ALG9: variants seen among roughly 807,000 people sequenced by gnomAD.
ALG9 encodes alpha-1,2-mannosyltransferase ALG9.
Under a neutral mutation model 81.8 loss-of-function variants are expected in ALG9, and 55 were observed. That is an observed-to-expected ratio of 0.67 (90% CI 0.54 to 0.84). The LOEUF (loss-of-function observed/expected upper bound fraction) is 0.84, where lower values mean the gene tolerates loss of function less well. Ranked by LOEUF, ALG9 falls within the 40% of genes least tolerant of loss-of-function variation. The pLI is 0.00. For synonymous variants in ALG9, 278 were observed against 274.3 expected, an observed-to-expected ratio of 1.01 and a Z score of -0.13; for missense variants, 629 against 745.0, an observed-to-expected ratio of 0.84 and a Z score of 1.81.
rs374807719 is a variant in ALG9, at chr11:111,853,739, A to G, written c.702-3T>C. On this transcript the variant is annotated splice_region_variant and splice_polypyrimidine_tract_variant and intron_variant, in intron 6 of 14. Coordinates refer to ENST00000616540, the MANE Select transcript of ALG9 (RefSeq NM_024740.2). ...GCAAATCAAAGGCAATGGGTAAACT[A>G]TTTAACAGAGAAACAGAGCGGGGAG... The G allele has an allele frequency of 2.5e-6, 4 of 1,612,354 alleles. No individual in the cohort carries two copies. In the African/African-American group the frequency reaches 4.0e-5, roughly 16 times the overall value.
chr11:111,818,898 AAC>A (rs1418115495), intron 13 of ALG9, among the ~76,000 whole-genome samples: 1 of 152,192 alleles, frequency 6.6e-6, no homozygotes, highest in Non-Finnish European at 1.5e-5. Flanking sequence ...ACAAAAAACA[AAC>A]AGAGAGGGCC....
downstream of ALG9, among the ~76,000 whole-genome samples, chr11:111,778,981 A>G (rs1945781175): frequency 6.6e-6 from 1 of 151,880 alleles, no homozygotes. Context: ...CGCCCGACTA[A>G]TTTTGTATTT....
At chr11:111,768,376 G>A in the ALG9 span, among the ~76,000 whole-genome samples, 1 of 152,002 alleles carries the variant, frequency 6.6e-6, no homozygotes, top group South Asian at 2.1e-4. Context: ...TTGTAAATTT[G>A]TTGTGGTTTT....
At chr11:111,853,090 A>G (rs1958088567) in intron 8 of ALG9, among the ~76,000 whole-genome samples, 1 of 152,002 alleles carries the variant, frequency 6.6e-6, no homozygotes, top group Admixed American at 6.5e-5. Flanking sequence ...TAAAAAAAAA[A>G]AAAGCATCAA....
At chr11:111,841,324 TCATCAAG>T (rs1956177180) in intron 9 of ALG9, among the ~76,000 whole-genome samples, 1 of 152,214 alleles carries the variant, frequency 6.6e-6, no homozygotes, top group Non-Finnish European at 1.5e-5. Context: ...TTACTGGTTT[TCATCAAG>T]CCACAAATGA....
chr11:111,851,414 G>A (rs1957800101), intron 8 of ALG9, among the ~76,000 whole-genome samples: 1 of 151,062 alleles, frequency 6.6e-6, no homozygotes, highest in Non-Finnish European at 1.5e-5. Flanking sequence ...AGGAGGGGAG[G>A]TTGCAGTGAG....
At chr11:111,810,752 C>A (rs1418571502) in intron 13 of ALG9, among the ~76,000 whole-genome samples, 1 of 151,872 alleles carries the variant, frequency 6.6e-6, no homozygotes, top group Non-Finnish European at 1.5e-5. Flanking sequence ...AGACCTGCTT[C>A]AAAAAAATAT....
At chr11:111,774,752 C>G in the ALG9 span, among the ~76,000 whole-genome samples, 13 of 152,270 alleles carry the variant, frequency 8.5e-5, no homozygotes, top group East Asian at 2.5e-3. Flanking sequence ...AACAAGCAAA[C>G]CTTTTAGTTC....
At chr11:111,769,582 A>C in the ALG9 span, 1 of 151,698 alleles carries the variant, frequency 6.6e-6, no homozygotes. Flanking sequence ...CTGCCACTGC[A>C]CTCCAGCCTA....
chr11:111,830,633 C>G (rs1485678353), intron 13 of ALG9, among the ~76,000 whole-genome samples: 2 of 152,108 alleles, frequency 1.3e-5, no homozygotes, highest in Non-Finnish European at 2.9e-5. Context: ...AATCTGCTTG[C>G]CTTGATACCC....
rs1014037482 is a variant in ALG9, at chr11:111,785,354, T to G, written c.*1043A>C. 1 of 152,296 alleles carries G rather than the reference T, an allele frequency of 6.6e-6. No homozygotes were observed. Among genetic ancestry groups the G allele is most frequent in the African/African-American group, 2.4e-5 (1 of 41,466 alleles). The allele number at this position is 152,296 out of a possible 1,614,324, so 9.4% of individuals were successfully genotyped here. A position where few individuals can be genotyped will look rare whatever the true frequency, so the allele number is the denominator to read the frequency against. ...CTGACTGTAAAGGCTTTTAAAGTAA[T>G]AGTATACACTTATCACATTTTAATT... On this transcript the variant is annotated 3_prime_UTR_variant, in exon 15 of 15. Coordinates refer to ENST00000616540, the MANE Select transcript of ALG9 (RefSeq NM_024740.2).
chr11:111,801,304 G>C (rs1490745341), intron 14 of ALG9, among the ~76,000 whole-genome samples: 1 of 152,194 alleles, frequency 6.6e-6, no homozygotes, highest in Admixed American at 6.5e-5. Context: ...CCCAAAGTCA[G>C]CAACATCATA....
Position 111,871,504 on chromosome 11 carries a change from A to T in ALG9, c.-22T>A, listed in dbSNP as rs1555159138. ...CCATGGCAAGCCTGGGGAAAAAAGA[A>T]TTCGGCACCCTATGAAGTCGGTGAG... On this transcript the variant is annotated 5_prime_UTR_variant, in exon 1 of 15. Transcript: ENST00000616540. The T allele has an allele frequency of 6.5e-7, 1 of 1,536,106 alleles. No individual in the cohort carries two copies. Among genetic ancestry groups the T allele is most frequent in the Admixed American group, 2.0e-5 (1 of 50,968 alleles).
chr11:111,825,381 A>T (rs1953059927), intron 13 of ALG9, among the ~76,000 whole-genome samples: 1 of 152,224 alleles, frequency 6.6e-6, no homozygotes, highest in African/African-American at 2.4e-5. Flanking sequence ...ATACATAAAT[A>T]TGTGAGAACA....
chr11:111,838,306 C>T lies in ALG9; in HGVS notation c.1267G>A (p.Gly423Arg), dbSNP rs1249966486. The T allele has an allele frequency of 6.2e-7, 1 of 1,614,174 alleles. No homozygotes were observed. Among genetic ancestry groups the T allele is most frequent in the Non-Finnish European group, 8.5e-7 (1 of 1,180,002 alleles). The change falls in exon 11 of 15, where the codon GGA (glycine) becomes AGA (arginine). Residue 423 changes from glycine (G) to arginine (R), a missense_variant. Around this residue, in one of 3 missense-constraint regions of ALG9, gnomAD observed 264 missense variants for 302.2 expected, o/e 0.87. Transcript: ENST00000616540. ...YTVTSNWLAL[G>R]TVFLFGLLSF... ...AAGAGCCCAAACAGGAAGACAGTTC[C>T]TAATGCCAGCCAATTCGATGTCACA...
chr11:111,820,930 AC>A (rs1555102895), intron 13 of ALG9, among the ~76,000 whole-genome samples: 2 of 149,630 alleles, frequency 1.3e-5, no homozygotes, highest in Non-Finnish European at 3.0e-5. Flanking sequence ...GCACACACAC[AC>A]ACACACACAC....
chr11:111,781,191 A>G (rs1334271290), downstream of ALG9, among the ~76,000 whole-genome samples: 2 of 152,244 alleles, frequency 1.3e-5, no homozygotes, highest in Admixed American at 6.5e-5. Flanking sequence ...AGTTAAGGGC[A>G]TCTGGGGTCC....
chr11:111,838,496 T>C, intron 10 of ALG9, 97 bp from the exon 11 acceptor site: 1 of 1,141,504 alleles, frequency 8.8e-7, no homozygotes, highest in Non-Finnish European at 1.3e-6. Flanking sequence ...ATTAGGGATC[T>C]GAGCATTTGC....
chr11:111,865,296 C>A (rs1961980353), intron 3 of ALG9, 45 bp from the exon 4 acceptor site: 1 of 1,407,812 alleles, frequency 7.1e-7, no homozygotes, highest in African/African-American at 1.4e-5. Flanking sequence ...CAGATATGAG[C>A]TAGAAAAACT....
Sources: gnomAD v4.1 joint callset for allele counts (sites outside exome capture counted in the v4.1 genomes callset) on GRCh38, gnomAD v4.1.1 for gene constraint, gnomAD v4.1.1 regional missense constraint, MANE v1.5 for transcripts, NCBI Gene and HGNC (gene_info 2026-07-23, HGNC 2026-07-21) for gene names.